Variants in CNTN4 observed in about 807,000 individuals in gnomAD.
The protein encoded by CNTN4 is contactin 4.
Under a neutral mutation model 122.5 loss-of-function variants are expected in CNTN4, and 77 were observed. That is an observed-to-expected ratio of 0.63 (90% CI 0.52 to 0.76). CNTN4 has a LOEUF of 0.76. Among genes scored for constraint, CNTN4 ranks in the 30% least tolerant of loss-of-function variants. The pLI is 0.00. For synonymous variants in CNTN4, 512 were observed against 447.0 expected, an observed-to-expected ratio of 1.15 and a Z score of -1.83; for missense variants, 1,256 against 1,259.1, an observed-to-expected ratio of 1.00 and a Z score of 0.04.
At chr3:2,176,709 C>T (rs2036762688) in intron 2 of CNTN4, among the ~76,000 whole-genome samples, 1 of 152,024 alleles carries the variant, frequency 6.6e-6, no homozygotes. Context: ...TTTATTTTTG[C>T]TTTCTAATTT....
intron 3 of CNTN4, among the ~76,000 whole-genome samples, chr3:2,384,367 C>G (rs2046155292): frequency 6.6e-6 from 1 of 152,138 alleles, no homozygotes; most frequent in Non-Finnish European, 1.5e-5. Flanking sequence ...AAGTTCTCAT[C>G]TTACCATCTT....
rs376162670 is a variant in CNTN4 at position 2,988,009 on chromosome 3, A to T, written c.1359-336A>T. Among the ~76,000 whole-genome samples the T allele has an allele frequency of 2.0e-5, 3 of 152,342 alleles. No individual in the cohort carries two copies. The East Asian group carries it at 5.8e-4, about 29-fold the overall frequency. The stretch of plus-strand genomic sequence containing the variant: ...TTCCTTATTAGCAGTTATAAGACTA[A>T]TGGTGATCTACCGTAAGCCTTCCCT... On this transcript the variant is annotated intron_variant, in intron 13 of 24. Coordinates refer to ENST00000418658, the MANE Select transcript of CNTN4 (RefSeq NM_175607.3).
At chr3:2,180,825 C>T (rs928373437) in intron 2 of CNTN4, among the ~76,000 whole-genome samples, 1 of 152,086 alleles carries the variant, frequency 6.6e-6, no homozygotes, top group Non-Finnish European at 1.5e-5. Context: ...AGGAAATTTA[C>T]CTTGGATTGA....
At chr3:2,440,258 C>CA (rs1307230149) in intron 3 of CNTN4, among the ~76,000 whole-genome samples, 1 of 152,060 alleles carries the variant, frequency 6.6e-6, no homozygotes, top group East Asian at 1.9e-4. Flanking sequence ...ATCGCAAGGA[C>CA]AAAAAAACCA....
Position 2,476,524 on chromosome 3 carries a change from A to G in CNTN4, c.-88-94892A>G, listed in dbSNP as rs543849503. On this transcript the variant is annotated intron_variant, in intron 3 of 24. Coordinates refer to ENST00000418658, the MANE Select transcript of CNTN4 (RefSeq NM_175607.3). ...ACAAAGCACTGCTACCTCTTACGGC[A>G]AGAGTGAACTCAGAAACATTTTGCT... is the stretch of plus-strand genomic sequence containing the variant. Among the ~76,000 whole-genome samples the G allele has an allele frequency of 3.9e-5, 6 of 152,332 alleles. No homozygotes were observed. The East Asian group carries it at 1.2e-3, about 29-fold the overall frequency.
At chr3:2,598,297 A>T (rs538373260) in intron 4 of CNTN4, among the ~76,000 whole-genome samples, 12 of 152,320 alleles carry the variant, frequency 7.9e-5, no homozygotes, top group African/African-American at 2.2e-4. Context: ...CGTAAATTGC[A>T]GTGGTATTAG....
intron 4 of CNTN4, among the ~76,000 whole-genome samples, chr3:2,685,821 G>A (rs1353004085): frequency 6.6e-6 from 1 of 152,046 alleles, no homozygotes; most frequent in South Asian, 2.1e-4. Context: ...AGGTGGCTGT[G>A]GTTTGGGTTT....
In CNTN4 at chr3:3,037,254, G is replaced by A. The variant is rs767479884; in HGVS notation, c.2018G>A (p.Arg673His). Residue 673 changes from arginine to histidine, a missense_variant, in exon 18 of 25, where the codon CGC becomes CAC. By Grantham distance (29) the Arg-to-His change is conservative (BLOSUM62 0). Coordinates refer to ENST00000418658, the MANE Select transcript of CNTN4 (RefSeq NM_175607.3). ...GLNPWVEYEFRTVAANVIGIG... is the reference protein window; with the variant it reads ...GLNPWVEYEFHTVAANVIGIG... ...AACCCTTGGGTTGAATATGAATTCCGCACAGTTGCAGCCAACGTGATTGGG... is the reference window on the plus strand; with the variant it reads ...AACCCTTGGGTTGAATATGAATTCCACACAGTTGCAGCCAACGTGATTGGG... 1.0e-4 allele frequency: 165 copies of A among 1,613,958 alleles called. No individual in the cohort carries two copies. The highest frequency in any genetic ancestry group is 1.4e-4 in the Non-Finnish European group (161 of 1,180,012).
rs770855464 is a variant in CNTN4, at chr3:3,038,918, TG to T, written c.2093-14del. 2.5e-6 allele frequency: 4 copies of T among 1,613,788 alleles called. No individual in the cohort carries two copies. The Admixed American group carries it at 6.7e-5, about 27-fold the overall frequency. On this transcript the variant is annotated splice_polypyrimidine_tract_variant and intron_variant, in intron 18 of 24. Coordinates refer to ENST00000418658, the MANE Select transcript of CNTN4 (RefSeq NM_175607.3). ...TTGCCGCCTGACATAACTTGTTTTTTGTCTCCTTGTGCAGTCCCCGAAGTCA... is the reference window on the plus strand; with the variant it reads ...TTGCCGCCTGACATAACTTGTTTTTTTCTCCTTGTGCAGTCCCCGAAGTCA...
intron 2 of CNTN4, among the ~76,000 whole-genome samples, chr3:2,274,200 T>A (rs1020055114): frequency 6.6e-6 from 1 of 152,016 alleles, no homozygotes; most frequent in Non-Finnish European, 1.5e-5. Context: ...CTGTCCAACA[T>A]GGTGAAAACC....
At chr3:2,340,705 A>AGAGAGAGAGAGAGGGAGAGGGAGAGG (rs1210986669) in intron 3 of CNTN4, among the ~76,000 whole-genome samples, 3 of 63,722 alleles carry the variant, frequency 4.7e-5, no homozygotes, top group African/African-American at 1.5e-4. Flanking sequence ...ATATATATAT[A>AGAGAGAGAGAGAGGGAGAGGGAGAGG]TATATAGAGA....
chr3:2,337,227 A>G (rs1463376641), intron 2 of CNTN4, among the ~76,000 whole-genome samples: 3 of 152,136 alleles, frequency 2.0e-5, no homozygotes, highest in Non-Finnish European at 4.4e-5. Context: ...CACCCAACAG[A>G]TAAGTTCTTT....
intron 13 of CNTN4, among the ~76,000 whole-genome samples, chr3:2,952,039 G>T (rs1296989842): frequency 6.6e-6 from 1 of 152,176 alleles, no homozygotes; most frequent in Admixed American, 6.5e-5. Context: ...AACACAGAGA[G>T]GCCATTCTAC....
At chr3:2,235,651 C>T (rs551722466) in intron 2 of CNTN4, among the ~76,000 whole-genome samples, 3 of 151,998 alleles carry the variant, frequency 2.0e-5, no homozygotes, top group African/African-American at 7.2e-5. Flanking sequence ...GTTACTATGC[C>T]AACTAGAGAA....
At chr3:2,915,280 G>C (rs1008134249) in intron 12 of CNTN4, among the ~76,000 whole-genome samples, 14 of 152,224 alleles carry the variant, frequency 9.2e-5, no homozygotes, top group African/African-American at 3.4e-4. Flanking sequence ...TGGCCAGGCT[G>C]GTCTCAAACT....
intron 8 of CNTN4, among the ~76,000 whole-genome samples, chr3:2,872,345 G>A (rs1432645447): frequency 6.6e-6 from 1 of 152,156 alleles, no homozygotes; most frequent in Non-Finnish European, 1.5e-5. Context: ...CACTGTTTAT[G>A]CACATTACAT....
At chr3:2,165,708 CT>C (rs2036165068) in intron 2 of CNTN4, among the ~76,000 whole-genome samples, 1 of 152,068 alleles carries the variant, frequency 6.6e-6, no homozygotes, top group African/African-American at 2.4e-5. Flanking sequence ...CACCTGCCCC[CT>C]GGTAACCACC....
At chr3:2,971,161 G>A (rs1376697272) in intron 13 of CNTN4, among the ~76,000 whole-genome samples, 1 of 152,162 alleles carries the variant, frequency 6.6e-6, no homozygotes, top group Non-Finnish European at 1.5e-5. Context: ...TATATTGACT[G>A]TTTATTAAGT....
intron 14 of CNTN4, among the ~76,000 whole-genome samples, chr3:2,995,948 A>G (rs1264981186): frequency 6.6e-6 from 1 of 152,184 alleles, no homozygotes; most frequent in Non-Finnish European, 1.5e-5. Context: ...TGTTGTTTGT[A>G]ATGAAAAGAA....
Sources: allele counts gnomAD v4.1 joint callset (sites outside exome capture counted in the v4.1 genomes callset), GRCh38; gene constraint gnomAD v4.1.1; transcripts MANE v1.5; gene names NCBI Gene and HGNC (gene_info 2026-07-23, HGNC 2026-07-21).